Variants in ZC3H3 observed in about 807,000 individuals in gnomAD.
ZC3H3 encodes the protein zinc finger CCCH-type containing 3.
A neutral mutation model predicts 77.3 loss-of-function variants in ZC3H3; 36 were observed. That is an observed-to-expected ratio of 0.47 (90% CI 0.36 to 0.61). The LOEUF (loss-of-function observed/expected upper bound fraction) is 0.61. Among genes scored for constraint, ZC3H3 ranks in the 20% least tolerant of loss-of-function variants. ZC3H3 has a pLI of 0.00. For synonymous variants in ZC3H3, 626 were observed against 555.2 expected, an observed-to-expected ratio of 1.13 and a Z score of -1.79; for missense variants, 1,331 against 1,312.2, an observed-to-expected ratio of 1.01 and a Z score of -0.22.
Position 143,468,369 on chromosome 8 carries a change from G to T in ZC3H3, c.2105+13C>A. The T allele has an allele frequency of 6.2e-7, 1 of 1,612,392 alleles. No individual in the cohort carries two copies. The highest frequency in any genetic ancestry group is 1.3e-5 in the African/African-American group (1 of 75,054). The stretch of plus-strand genomic sequence containing the variant: ...GAACCTCCCCCAGGCCCACAGCGAG[G>T]GCAGGAGGGCACCTGGTGCACACGG... On this transcript the variant is annotated intron_variant, in intron 7 of 11. Coordinates refer to ENST00000262577, the MANE Select transcript of ZC3H3 (RefSeq NM_015117.3).
chr8:143,446,790 C>T (rs1380628522), intron 9 of ZC3H3, among the ~76,000 whole-genome samples: 1 of 152,282 alleles, frequency 6.6e-6, no homozygotes, highest in Non-Finnish European at 1.5e-5. Context: ...CACTGCCTGG[C>T]CATGCACTGA....
intron 4 of ZC3H3, among the ~76,000 whole-genome samples, chr8:143,478,685 T>G (rs1404237560): frequency 6.6e-6 from 1 of 152,158 alleles, no homozygotes; most frequent in East Asian, 1.9e-4. Context: ...AATTTTTGTA[T>G]TTTTGGTAGA....
chr8:143,465,980 G>A, intron 8 of ZC3H3, 132 bp from the exon 9 acceptor site: 1 of 1,302,410 alleles, frequency 7.7e-7, no homozygotes, highest in Non-Finnish European at 1.0e-6. Context: ...AGGAAGGGCA[G>A]CCACCACGAC....
chr8:143,492,594 G>C (rs1821237740), intron 4 of ZC3H3, among the ~76,000 whole-genome samples: 2 of 152,204 alleles, frequency 1.3e-5, no homozygotes, highest in South Asian at 4.1e-4. Context: ...GAGGGGCCCG[G>C]GGAGGGCCTC....
At chr8:143,469,932 G>A (rs1354369492) in intron 5 of ZC3H3, among the ~76,000 whole-genome samples, 1 of 152,186 alleles carries the variant, frequency 6.6e-6, no homozygotes, top group Non-Finnish European at 1.5e-5. Context: ...AAATTCTGGG[G>A]ACCTGAGGTG....
At chr8:143,501,890 G>C (rs1821536972) in intron 4 of ZC3H3, among the ~76,000 whole-genome samples, 1 of 152,266 alleles carries the variant, frequency 6.6e-6, no homozygotes, top group African/African-American at 2.4e-5. Flanking sequence ...GCTGTGGACT[G>C]AATGTTTGTG....
rs1820246647 is a variant in ZC3H3 at position 143,460,984 on chromosome 8, C to T, written c.2307+4733G>A. Among the ~76,000 whole-genome samples the T allele has an allele frequency of 6.6e-6, 1 of 152,174 alleles. No homozygotes were observed. Among genetic ancestry groups the T allele is most frequent in the Non-Finnish European group, 1.5e-5 (1 of 68,038 alleles). On this transcript the variant is annotated intron_variant, in intron 9 of 11. Transcript: ENST00000262577. This position sits in a 1 kb window ranked among gnomAD's most constrained non-coding sequence, Gnocchi z 4.0. ...GGGAGTGGAGAGTCATTGCTGAATACTCAGTGTTTCTGTCAGGAGTGAGGA... is the reference window on the plus strand; with the variant it reads ...GGGAGTGGAGAGTCATTGCTGAATATTCAGTGTTTCTGTCAGGAGTGAGGA...
intron 4 of ZC3H3, among the ~76,000 whole-genome samples, chr8:143,476,485 G>A (rs1365347103): frequency 6.6e-6 from 1 of 152,182 alleles, no homozygotes. Flanking sequence ...GACAAGAGGG[G>A]CCTGAGCTGC....
At chr8:143,516,477 A>G (rs1822046883) in intron 3 of ZC3H3, among the ~76,000 whole-genome samples, 1 of 151,748 alleles carries the variant, frequency 6.6e-6, no homozygotes, top group Non-Finnish European at 1.5e-5. Context: ...CCACATTGGC[A>G]GAAAAACTTG....
chr8:143,507,042 A>G (rs2980274), intron 4 of ZC3H3, among the ~76,000 whole-genome samples: 75,835 of 152,116 alleles, frequency 0.5, 19,214 homozygotes, highest in East Asian at 0.68. Flanking sequence ...TGCCTGCCAG[A>G]GCTATTACCC....
At chr8:143,507,709 TC>T (rs777967026) in intron 4 of ZC3H3, 36 bp downstream of exon 4, 2 of 1,515,716 alleles carry the variant, frequency 1.3e-6, no homozygotes, top group Non-Finnish European at 1.8e-6. Context: ...ACAGCCCAGT[TC>T]CCAGGCCTGC....
At chr8:143,517,433 G>T (rs967097475) in intron 3 of ZC3H3, among the ~76,000 whole-genome samples, 1 of 152,150 alleles carries the variant, frequency 6.6e-6, no homozygotes, top group Non-Finnish European at 1.5e-5. Context: ...GACCAAGTTG[G>T]GCCTGTACCC....
chr8:143,523,569 A>G lies in ZC3H3; in HGVS notation c.1561+12688T>C, dbSNP rs1376131921. 5.1e-6 allele frequency: 5 copies of G among 981,264 alleles called. No individual in the cohort carries two copies. The Admixed American group carries it at 3.1e-4, about 60-fold the overall frequency. The allele number at this position is 981,264 out of a possible 1,614,324, so 60.8% of individuals were successfully genotyped here. On this transcript the variant is annotated intron_variant, in intron 3 of 11. Coordinates refer to ENST00000262577, the MANE Select transcript of ZC3H3 (RefSeq NM_015117.3). ...ACCAGCTTGGTGAGCTCCCAGAGGC[A>G]GTAGGAGACCACAGCTCAGAATTCC...
In ZC3H3 at chr8:143,515,808, C is replaced by T. The variant is rs550382053; in HGVS notation, c.1562-7909G>A. Among the ~76,000 whole-genome samples the T allele has an allele frequency of 7.2e-5, 11 of 152,344 alleles. No homozygotes were observed. The East Asian group carries it at 1.9e-3, about 27-fold the overall frequency. ...CTGGGCCAAGGAGCCTTCGCAGGTGCCTTTGGAAGGGATGGAGACTGGACA... is the reference window on the plus strand; with the variant it reads ...CTGGGCCAAGGAGCCTTCGCAGGTGTCTTTGGAAGGGATGGAGACTGGACA... On this transcript the variant is annotated intron_variant, in intron 3 of 11. Coordinates refer to ENST00000262577, the MANE Select transcript of ZC3H3 (RefSeq NM_015117.3).
In ZC3H3 at chr8:143,539,310, A is replaced by G. The variant is rs1822932102; in HGVS notation, c.57T>C (p.Asp19=). ...RQIRLLQGLI[D]DYKTLHGNAP... ...CATTGCCGTGGAGGGTTTTGTAGTC[A>G]TCAATCAGACCTGAGAAGACAGAAC... Residue 19 remains aspartate, a synonymous_variant, in exon 2 of 12, where the codon GAT becomes GAC. Coordinates refer to ENST00000262577, the MANE Select transcript of ZC3H3 (RefSeq NM_015117.3). The G allele has an allele frequency of 1.9e-6, 3 of 1,607,042 alleles. No homozygotes were observed. The highest frequency in any genetic ancestry group is 1.7e-6 in the Non-Finnish European group (2 of 1,177,164).
intron 9 of ZC3H3, among the ~76,000 whole-genome samples, chr8:143,448,698 C>T (rs1267978228): frequency 6.6e-6 from 1 of 152,210 alleles, no homozygotes; most frequent in Non-Finnish European, 1.5e-5. Context: ...GGTGGATCTA[C>T]CACTCCAGGG....
chr8:143,527,213 C>T (rs767067860), intron 3 of ZC3H3, among the ~76,000 whole-genome samples: 1 of 152,220 alleles, frequency 6.6e-6, no homozygotes, highest in African/African-American at 2.4e-5. Context: ...GGGACCTACC[C>T]AGGCTCTCGG....
At chr8:143,454,342 T>C (rs560525895) in intron 9 of ZC3H3, among the ~76,000 whole-genome samples, 1 of 152,002 alleles carries the variant, frequency 6.6e-6, no homozygotes, top group African/African-American at 2.4e-5. Flanking sequence ...CTGCCCACCT[T>C]GGCCTTCCAA....
intron 4 of ZC3H3, among the ~76,000 whole-genome samples, chr8:143,492,069 C>T (rs537935871): frequency 6.6e-6 from 1 of 152,124 alleles, no homozygotes; most frequent in Non-Finnish European, 1.5e-5. Context: ...TACAGAGAGC[C>T]GGACACATGC....
Sources: gnomAD v4.1 joint callset for allele counts (sites outside exome capture counted in the v4.1 genomes callset) on GRCh38, gnomAD v4.1.1 for gene constraint, Gnocchi (gnomAD v3.1) non-coding constraint, MANE v1.5 for transcripts, NCBI Gene and HGNC (gene_info 2026-07-23, HGNC 2026-07-21) for gene names.